AGMO: variants seen among roughly 807,000 people sequenced by gnomAD.
AGMO encodes the protein glyceryl-ether monooxygenase.
Under a neutral mutation model 60.2 loss-of-function variants are expected in AGMO, and 75 were observed. The observed-to-expected ratio is 1.25, with a 90% CI of 1.03 to 1.51. The LOEUF is 1.51. Ranked by LOEUF, AGMO falls within the 40% of genes most tolerant of loss-of-function variation. AGMO has a pLI of 0.00. For synonymous variants in AGMO, 261 were observed against 177.1 expected, an observed-to-expected ratio of 1.47 and a Z score of -3.76; for missense variants, 763 against 525.5, an observed-to-expected ratio of 1.45 and a Z score of -4.42.
Position 15,477,115 on chromosome 7 carries a change from T to C in AGMO, c.410-46007A>G, listed in dbSNP as rs986364320. On this transcript the variant is annotated intron_variant, in intron 3 of 12. Coordinates refer to ENST00000342526, the MANE Select transcript of AGMO (RefSeq NM_001004320.2). ...AAAGGAATTAGCCTATCACAGACTA[T>C]TTATTTTAGAACATTCTTTTTTTTT... 3.3e-5 allele frequency among the ~76,000 whole-genome samples: 5 copies of C among 149,878 alleles called. 1 individual carries two copies. The highest frequency in any genetic ancestry group is 4.3e-4 in the South Asian group (2 of 4,664).
At chr7:15,397,764 A>G (rs1784451874) in intron 5 of AGMO, among the ~76,000 whole-genome samples, 1 of 152,214 alleles carries the variant, frequency 6.6e-6, no homozygotes, top group Non-Finnish European at 1.5e-5. Context: ...TACACCAAAG[A>G]TTATTTGTAT....
chr7:15,409,930 T>C (rs1784794414), intron 5 of AGMO, among the ~76,000 whole-genome samples: 1 of 151,740 alleles, frequency 6.6e-6, no homozygotes, highest in East Asian at 1.9e-4. Flanking sequence ...TGAGTTGTTA[T>C]TGAAAATTTA....
At chr7:15,230,112 C>T (rs1782214992) in intron 12 of AGMO, among the ~76,000 whole-genome samples, 1 of 151,722 alleles carries the variant, frequency 6.6e-6, no homozygotes, top group Admixed American at 6.6e-5. Flanking sequence ...TATTGCTTTC[C>T]CCATTAAAGG....
At chr7:15,549,191 G>A (rs1271850066) in intron 2 of AGMO, among the ~76,000 whole-genome samples, 21 of 142,792 alleles carry the variant, frequency 1.5e-4, no homozygotes, top group East Asian at 6.1e-4. Flanking sequence ...AGGAACAACC[G>A]GTACCAGCCG....
chr7:15,466,660 C>T (rs1006415968), intron 3 of AGMO, among the ~76,000 whole-genome samples: 14 of 152,146 alleles, frequency 9.2e-5, no homozygotes, highest in Non-Finnish European at 2.1e-4. Context: ...ATTGAATTCT[C>T]TGTGACGCAA....
intron 3 of AGMO, among the ~76,000 whole-genome samples, chr7:15,432,607 A>G (rs561014608): frequency 4.6e-5 from 7 of 151,826 alleles, no homozygotes; most frequent in African/African-American, 7.2e-5. Context: ...TTAAAGTCAT[A>G]TATTTTTCAA....
chr7:15,412,052 C>A (rs1231636657), intron 5 of AGMO, among the ~76,000 whole-genome samples: 3 of 152,100 alleles, frequency 2.0e-5, no homozygotes, highest in Non-Finnish European at 4.4e-5. Context: ...GCGTTTGCTG[C>A]TATAGAGTAA....
intron 3 of AGMO, among the ~76,000 whole-genome samples, chr7:15,463,435 C>T (rs1448781276): frequency 6.6e-6 from 1 of 152,186 alleles, no homozygotes; most frequent in African/African-American, 2.4e-5. Flanking sequence ...CTCTTACACA[C>T]TCACCCAAAC....
rs557608679 is a variant in AGMO at position 15,310,591 on chromosome 7, T to G, written c.1263+54923A>C. Reference sequence around the variant, plus strand: ...TGTCTAATTAGAAATTTGGAAATTATATTTTTGTTATTTTCATACTTTTAA... The same window carrying G: ...TGTCTAATTAGAAATTTGGAAATTAGATTTTTGTTATTTTCATACTTTTAA... On this transcript the variant is annotated intron_variant, in intron 12 of 12. Transcript: ENST00000342526. Among the ~76,000 whole-genome samples the G allele has an allele frequency of 3.7e-4, 57 of 152,316 alleles. No individual in the cohort carries two copies. In the Middle Eastern group the frequency reaches 0.01, roughly 27 times the overall value.
intron 12 of AGMO, among the ~76,000 whole-genome samples, chr7:15,337,411 C>A (rs967544835): frequency 6.6e-6 from 1 of 151,944 alleles, no homozygotes; most frequent in Non-Finnish European, 1.5e-5. Flanking sequence ...AATGACTGGC[C>A]ATAAAACAGA....
intron 12 of AGMO, among the ~76,000 whole-genome samples, chr7:15,276,514 G>C (rs1783793042): frequency 6.6e-6 from 1 of 151,918 alleles, no homozygotes; most frequent in African/African-American, 2.4e-5. Context: ...TGTTTTCCTT[G>C]ATGATATTTG....
At chr7:15,433,393 C>G (rs1026816663) in intron 3 of AGMO, among the ~76,000 whole-genome samples, 2 of 151,866 alleles carry the variant, frequency 1.3e-5, no homozygotes, top group Admixed American at 1.3e-4. Context: ...GGCACAGTAA[C>G]AGCATCCTAC....
At chr7:15,196,001 C>A (rs1781106956), downstream of AGMO, among the ~76,000 whole-genome samples, 1 of 151,546 alleles carries the variant, frequency 6.6e-6, no homozygotes, top group Non-Finnish European at 1.5e-5. Flanking sequence ...TCAGTTCCTC[C>A]CCTTCCCTCC....
intron 3 of AGMO, among the ~76,000 whole-genome samples, chr7:15,513,409 A>C (rs988852304): frequency 1.3e-5 from 2 of 151,598 alleles, no homozygotes; most frequent in African/African-American, 4.8e-5. Flanking sequence ...TTCTTTCTTT[A>C]TTTCTTCTAT....
intron 12 of AGMO, among the ~76,000 whole-genome samples, chr7:15,306,019 A>T (rs1780602772): frequency 6.6e-6 from 1 of 152,032 alleles, no homozygotes; most frequent in Admixed American, 6.6e-5. Context: ...AAATATGACT[A>T]ACATAAATTT....
At chr7:15,397,428 C>T (rs1411363058) in intron 5 of AGMO, among the ~76,000 whole-genome samples, 2 of 152,118 alleles carry the variant, frequency 1.3e-5, no homozygotes, top group Admixed American at 6.5e-5. Flanking sequence ...GCTCCGGCCT[C>T]GGCCAGCCCC....
the AGMO span, among the ~76,000 whole-genome samples, chr7:15,141,863 T>A: frequency 6.6e-6 from 1 of 152,204 alleles, no homozygotes; most frequent in Non-Finnish European, 1.5e-5. Flanking sequence ...TGCCTAGAAC[T>A]GAGCTAGGAT....
chr7:15,493,848 T>C (rs1293584783), intron 3 of AGMO, among the ~76,000 whole-genome samples: 2 of 152,140 alleles, frequency 1.3e-5, no homozygotes, highest in Non-Finnish European at 2.9e-5. Flanking sequence ...TGTATGCTTC[T>C]CTTTTTTTGT....
rs372584646 is a variant in AGMO at position 15,200,638 on chromosome 7, C to G, written c.*647G>C. The G allele has an allele frequency of 1.3e-5, 2 of 152,422 alleles. No homozygotes were observed. The highest frequency in any genetic ancestry group is 6.5e-5 in the Admixed American group (1 of 15,268). The allele number at this position is 152,422 out of a possible 1,614,324, so 9.4% of individuals were successfully genotyped here. A position where few individuals can be genotyped will look rare whatever the true frequency, so the allele number is the denominator to read the frequency against. On this transcript the variant is annotated 3_prime_UTR_variant, in exon 13 of 13. Transcript: ENST00000342526. ...CCTCCAGAGTAGCTGGGACTACAGG[C>G]GCACACCACCATGTCCAGCTAAATT...
Sources: allele counts gnomAD v4.1 joint callset (sites outside exome capture counted in the v4.1 genomes callset), GRCh38; gene constraint gnomAD v4.1.1; transcripts MANE v1.5; gene names NCBI Gene and HGNC (gene_info 2026-07-23, HGNC 2026-07-21).